The following MED13L variants were observed in gnomAD, a reference collection of about 807,000 sequenced individuals.
MED13L encodes the protein mediator complex subunit 13L, also known as mediator of RNA polymerase II transcription subunit 13-like.
Under a neutral mutation model 220.9 loss-of-function variants are expected in MED13L, and 7 were observed. That is an observed-to-expected ratio of 0.03 (90% CI 0.02 to 0.06). The LOEUF (loss-of-function observed/expected upper bound fraction) is 0.06. Ranked by LOEUF, MED13L falls within the 10% of genes least tolerant of loss-of-function variation. MED13L has a pLI of 1.00. For synonymous variants in MED13L, 1,011 were observed against 1,015.2 expected, an observed-to-expected ratio of 1.00 and a Z score of 0.08; for missense variants, 1,965 against 2,760.5, an observed-to-expected ratio of 0.71 and a Z score of 6.46.
chr12:116,051,586 G>A (rs973733195), intron 4 of MED13L, among the ~76,000 whole-genome samples: 3 of 152,128 alleles, frequency 2.0e-5, no homozygotes, highest in East Asian at 1.9e-4. Flanking sequence ...AACTTCTTTC[G>A]ATTTTGGAAT....
intron 2 of MED13L, among the ~76,000 whole-genome samples, chr12:116,205,149 G>A (rs984884291): frequency 1.3e-5 from 2 of 152,006 alleles, no homozygotes; most frequent in African/African-American, 2.4e-5. Context: ...GAACAAAAAC[G>A]GTGCCTATTA....
At chr12:115,969,674 A>C (rs1592898119) in intron 27 of MED13L, among the ~76,000 whole-genome samples, 1 of 151,600 alleles carries the variant, frequency 6.6e-6, no homozygotes, top group African/African-American at 2.4e-5. Flanking sequence ...TCCTGGGTTC[A>C]AGTGATTTCT....
chr12:116,276,713 G>A, intron 1 of MED13L: 1 of 922,292 alleles, frequency 1.1e-6, no homozygotes, highest in Non-Finnish European at 1.4e-6. Flanking sequence ...ACATTTACGG[G>A]GGGAAAAAAA....
intron 2 of MED13L, among the ~76,000 whole-genome samples, chr12:116,113,154 C>G (rs2137907547): frequency 6.6e-6 from 1 of 152,282 alleles, no homozygotes; most frequent in East Asian, 1.9e-4. Flanking sequence ...TCTACCTCTT[C>G]TGAATCACTC....
At chr12:116,215,579 CA>C (rs1882943795) in intron 2 of MED13L, among the ~76,000 whole-genome samples, 1 of 152,148 alleles carries the variant, frequency 6.6e-6, no homozygotes, top group Non-Finnish European at 1.5e-5. Flanking sequence ...CTTCTACATC[CA>C]TAATGCCTCG....
At chr12:116,132,699 T>C (rs1876178965) in intron 2 of MED13L, among the ~76,000 whole-genome samples, 1 of 151,852 alleles carries the variant, frequency 6.6e-6, no homozygotes, top group South Asian at 2.1e-4. Context: ...GGTGGGTGGA[T>C]CTTTGGGGTC....
intron 7 of MED13L, among the ~76,000 whole-genome samples, chr12:116,016,024 G>A (rs1472925235): frequency 6.6e-6 from 1 of 151,884 alleles, no homozygotes; most frequent in Non-Finnish European, 1.5e-5. Flanking sequence ...GATGATACTG[G>A]TTGTTGTTTA....
chr12:116,056,985 G>T (rs974650958), intron 4 of MED13L, among the ~76,000 whole-genome samples: 6 of 152,124 alleles, frequency 3.9e-5, no homozygotes, highest in Non-Finnish European at 8.8e-5. Context: ...CTTGGTTATT[G>T]TATTTTCTCC....
chr12:116,222,852 A>C (rs1470366085), intron 2 of MED13L, among the ~76,000 whole-genome samples: 1 of 152,234 alleles, frequency 6.6e-6, no homozygotes, highest in Non-Finnish European at 1.5e-5. Flanking sequence ...CAACTGGACA[A>C]AATATGTACA....
intron 4 of MED13L, among the ~76,000 whole-genome samples, chr12:116,075,708 G>C (rs1007147864): frequency 3.3e-5 from 5 of 152,134 alleles, no homozygotes; most frequent in African/African-American, 1.2e-4. Context: ...CAAGCTCCAG[G>C]AAATAGACTT....
chr12:116,277,073 T>C lies in MED13L; in HGVS notation c.59A>G (p.Asn20Ser), dbSNP rs1034459470. ...NGASLEDCHS[N>S]LFSLAELTGI... is the part of the protein sequence containing the mutation. Reference sequence around the variant, plus strand: ...CCGGCTACTCACCAGCGAAAAGAGGTTGGAGTGACAATCCTCCAGGCTCGC... The same window carrying C: ...CCGGCTACTCACCAGCGAAAAGAGGCTGGAGTGACAATCCTCCAGGCTCGC... The change falls in exon 1 of 31, where the codon AAC (asparagine) becomes AGC (serine). Residue 20 changes from asparagine to serine, a missense_variant. Asn to Ser is a conservative substitution (Grantham distance 46). Transcript: ENST00000281928. 51 of 1,586,738 alleles carry C rather than the reference T, an allele frequency of 3.2e-5. No homozygotes were observed. Among genetic ancestry groups the C allele is most frequent in the Non-Finnish European group, 4.2e-5 (49 of 1,167,650 alleles).
intron 2 of MED13L, chr12:116,232,245 C>A: frequency 2.2e-6 from 1 of 457,898 alleles, no homozygotes; most frequent in Non-Finnish European, 2.9e-6. Flanking sequence ...ACAATAAAAC[C>A]AATTCAGAAG....
intron 21 of MED13L, 97 bp from the exon 22 acceptor site, chr12:115,982,700 AAAG>A (rs1180175238): frequency 1.9e-6 from 2 of 1,078,228 alleles, no homozygotes; most frequent in Non-Finnish European, 2.8e-6. Flanking sequence ...CAGGCTCCCT[AAAG>A]AATGTTTACA....
At chr12:116,146,680 AC>A (rs746614460) in intron 2 of MED13L, among the ~76,000 whole-genome samples, 25 of 151,968 alleles carry the variant, frequency 1.6e-4, no homozygotes, top group Non-Finnish European at 3.2e-4. Context: ...AGCCTGGCCA[AC>A]GTGAGGAAAC....
chr12:116,031,654 G>GGGACA (rs1880754078), intron 4 of MED13L, among the ~76,000 whole-genome samples: 1 of 126,086 alleles, frequency 7.9e-6, no homozygotes. Context: ...GGGACGGGAC[G>GGGACA]GGACGGGACG....
chr12:116,064,481 T>C (rs144319951), intron 4 of MED13L, among the ~76,000 whole-genome samples: 237 of 152,164 alleles, frequency 1.6e-3, no homozygotes, highest in Non-Finnish European at 2.0e-3. Context: ...AAGAGGTCAA[T>C]TTGATTAAGT....
rs756238240 is a variant in MED13L at position 116,008,767 on chromosome 12, T to G, written c.1646A>C (p.His549Pro). The change falls in exon 10 of 31, where the codon CAT becomes CCT. Residue 549 changes from histidine to proline, a missense_variant. By Grantham distance (77) the His-to-Pro change is moderately conservative. Coordinates refer to ENST00000281928, the MANE Select transcript of MED13L (RefSeq NM_015335.5). ...QMNLNPMDSP[H>P]SPISPLPPTL... ...TGGTGGCAGAGGGGATATAGGGGAATGAGGTGAATCCATAGGATTCAGATT... is the reference window on the plus strand; with the variant it reads ...TGGTGGCAGAGGGGATATAGGGGAAGGAGGTGAATCCATAGGATTCAGATT... 1.2e-6 allele frequency: 2 copies of G among 1,613,974 alleles called. No homozygotes were observed. Among genetic ancestry groups the G allele is most frequent in the South Asian group, 2.2e-5 (2 of 91,078 alleles).
intron 2 of MED13L, among the ~76,000 whole-genome samples, chr12:116,188,752 AAACCCCGACAACTACTAATTTTGCTGT>A: frequency 6.6e-6 from 1 of 152,068 alleles, no homozygotes. Context: ...CACCCCTCCT[AAACCCCGACAACTACTAATTTTGCTGT>A]ATCTTTGTCA....
At chr12:116,231,622 G>A (rs1043854425) in intron 2 of MED13L, among the ~76,000 whole-genome samples, 29 of 152,052 alleles carry the variant, frequency 1.9e-4, no homozygotes, top group African/African-American at 7.0e-4. Context: ...AGACAATTGG[G>A]AAATTTGAAT....
Sources: allele counts gnomAD v4.1 joint callset (sites outside exome capture counted in the v4.1 genomes callset), GRCh38; gene constraint gnomAD v4.1.1; transcripts MANE v1.5; gene names NCBI Gene and HGNC (gene_info 2026-07-23, HGNC 2026-07-21).